ADK: variants seen among roughly 807,000 people sequenced by gnomAD.
ADK encodes adenosine kinase.
Under a neutral mutation model 44.7 loss-of-function variants are expected in ADK, and 24 were observed. The observed-to-expected ratio is 0.54, with a 90% CI of 0.39 to 0.76. The LOEUF (loss-of-function observed/expected upper bound fraction) is 0.76. Among genes scored for constraint, ADK ranks in the 30% least tolerant of loss-of-function variants. The pLI is 0.00. For missense variants in ADK, 321 were observed against 425.1 expected (o/e 0.76, Z 2.15); for synonymous variants, 128 against 142.6 (o/e 0.90, Z 0.73).
intron 4 of ADK, among the ~76,000 whole-genome samples, chr10:74,391,027 A>G (rs904930123): frequency 6.6e-6 from 1 of 152,260 alleles, no homozygotes; most frequent in Non-Finnish European, 1.5e-5. Flanking sequence ...TCCCAACAGC[A>G]TCAACTTTAT....
intron 10 of ADK, among the ~76,000 whole-genome samples, chr10:74,704,490 A>T (rs1352177928): frequency 1.3e-5 from 2 of 152,214 alleles, no homozygotes; most frequent in Non-Finnish European, 1.5e-5. Flanking sequence ...CTTTTTGAAG[A>T]TTCCACTTAT....
chr10:74,275,875 AG>A (rs1846652761), intron 3 of ADK, among the ~76,000 whole-genome samples: 2 of 152,152 alleles, frequency 1.3e-5, no homozygotes, highest in Admixed American at 1.3e-4. Flanking sequence ...TCCTGACCTC[AG>A]GTGATCTGCC....
chr10:74,601,367 C>T (rs1299070056), intron 9 of ADK, among the ~76,000 whole-genome samples: 2 of 151,968 alleles, frequency 1.3e-5, no homozygotes, highest in Non-Finnish European at 2.9e-5. Context: ...AAATTACTGT[C>T]AAGATATTTT....
At chr10:74,176,518 C>T (rs1591809526) in intron 1 of ADK, 1 of 1,226,052 alleles carries the variant, frequency 8.2e-7, no homozygotes, top group Non-Finnish European at 1.0e-6. Context: ...CACCCAATCT[C>T]TCGCCCTGTA....
rs60747759 is a variant in ADK at position 74,678,798 on chromosome 10, ATG to A, written c.964+8535_964+8536del. 3.9e-3 allele frequency among the ~76,000 whole-genome samples: 597 copies of A among 152,356 alleles called. 3 individuals are homozygous for A. Among genetic ancestry groups the A allele is most frequent in the African/African-American group, 0.013 (556 of 41,578 alleles). On this transcript the variant is annotated intron_variant, in intron 10 of 10. Coordinates refer to ENST00000539909, the MANE Select transcript of ADK (RefSeq NM_006721.4). ...ACAGAATTGTGACATAACAAAATATATGTGTGTTAGTTCCCTGACCTAGAATA... is the reference window on the plus strand; with the variant it reads ...ACAGAATTGTGACATAACAAAATATATGTGTTAGTTCCCTGACCTAGAATA...
intron 4 of ADK, among the ~76,000 whole-genome samples, chr10:74,380,581 A>G (rs1842949825): frequency 6.6e-6 from 1 of 151,956 alleles, no homozygotes; most frequent in South Asian, 2.1e-4. Flanking sequence ...ACATGGTAAA[A>G]CCCCATCTCT....
At chr10:74,165,520 G>A (rs1474694192) in intron 1 of ADK, among the ~76,000 whole-genome samples, 2 of 150,404 alleles carry the variant, frequency 1.3e-5, no homozygotes, top group African/African-American at 4.9e-5. Context: ...CATATTTGAA[G>A]AAAATGTCAA....
intron 3 of ADK, among the ~76,000 whole-genome samples, chr10:74,308,796 C>G (rs181514288): frequency 6.6e-6 from 1 of 152,070 alleles, no homozygotes; most frequent in East Asian, 1.9e-4. Context: ...GTTAACACAA[C>G]GTGAGGTCTT....
chr10:74,499,753 T>C (rs1338047626), intron 6 of ADK, among the ~76,000 whole-genome samples: 1 of 152,216 alleles, frequency 6.6e-6, no homozygotes, highest in African/African-American at 2.4e-5. Context: ...CATGTCTTAC[T>C]TTTTGCTTTC....
intron 3 of ADK, among the ~76,000 whole-genome samples, chr10:74,229,376 A>G (rs1393181281): frequency 6.6e-6 from 1 of 150,780 alleles, no homozygotes; most frequent in Non-Finnish European, 1.5e-5. Context: ...GTTAGAGACA[A>G]TAACATCTGG....
chr10:74,210,000 G>T (rs763924769), intron 2 of ADK, among the ~76,000 whole-genome samples: 4 of 152,078 alleles, frequency 2.6e-5, no homozygotes, highest in Non-Finnish European at 5.9e-5. Context: ...GAATGAAATG[G>T]TAATTGAGAA....
At chr10:74,334,284 G>T (rs1310040428) in intron 4 of ADK, among the ~76,000 whole-genome samples, 4 of 152,124 alleles carry the variant, frequency 2.6e-5, no homozygotes, top group Admixed American at 6.6e-5. Context: ...ATTTCTCAGG[G>T]TTATATATGC....
chr10:74,696,814 ATAATCTC>A (rs1856226366), intron 10 of ADK, among the ~76,000 whole-genome samples: 1 of 152,174 alleles, frequency 6.6e-6, no homozygotes, highest in Admixed American at 6.6e-5. Context: ...TTAAAAATAA[ATAATCTC>A]TTAGTGAAGG....
chr10:74,364,071 G>C (rs112222440), intron 4 of ADK, among the ~76,000 whole-genome samples: 2,349 of 152,258 alleles, frequency 0.015, 21 homozygotes, highest in Non-Finnish European at 0.023. Flanking sequence ...GAATCATTAA[G>C]TATTTTTGGT....
intron 4 of ADK, among the ~76,000 whole-genome samples, chr10:74,322,125 C>G (rs776157386): frequency 1.4e-4 from 21 of 152,050 alleles, no homozygotes; most frequent in South Asian, 6.2e-4. Flanking sequence ...CTCTTGTGAC[C>G]TATTTTACCT....
intron 4 of ADK, among the ~76,000 whole-genome samples, chr10:74,315,020 A>T (rs1316422268): frequency 1.3e-5 from 2 of 151,858 alleles, no homozygotes; most frequent in Non-Finnish European, 2.9e-5. Flanking sequence ...CATGTTACAG[A>T]TTTGTAGAAA....
intron 3 of ADK, among the ~76,000 whole-genome samples, chr10:74,299,757 GATTT>G (rs1450801952): frequency 6.6e-6 from 1 of 151,608 alleles, no homozygotes; most frequent in Non-Finnish European, 1.5e-5. Context: ...TTGAATCTAT[GATTT>G]ATTATTTGAA....
At chr10:74,309,001 T>C (rs1445886709) in intron 3 of ADK, among the ~76,000 whole-genome samples, 1 of 152,200 alleles carries the variant, frequency 6.6e-6, no homozygotes, top group Non-Finnish European at 1.5e-5. Flanking sequence ...TTCCTGTTCA[T>C]AATTCTTGTT....
chr10:74,238,290 C>G (rs1191562259), intron 3 of ADK, among the ~76,000 whole-genome samples: 1 of 152,286 alleles, frequency 6.6e-6, no homozygotes, highest in East Asian at 1.9e-4. Flanking sequence ...TTAGCATATT[C>G]TGAAGTACAT....
Sources: gnomAD v4.1 joint callset for allele counts (sites outside exome capture counted in the v4.1 genomes callset) on GRCh38, gnomAD v4.1.1 for gene constraint, MANE v1.5 for transcripts, NCBI Gene and HGNC (gene_info 2026-07-23, HGNC 2026-07-21) for gene names.